The following CNIH3 variants were observed in gnomAD, a reference collection of about 807,000 sequenced individuals.
CNIH3 encodes the protein protein cornichon homolog 3.
Under a neutral mutation model 24.1 loss-of-function variants are expected in CNIH3, and 14 were observed. That is an observed-to-expected ratio of 0.58 (90% CI 0.38 to 0.91). The LOEUF is 0.91. CNIH3 is among the 40% of genes least tolerant of loss of function. The pLI, the probability that CNIH3 is intolerant of heterozygous loss-of-function variation, is 0.00. For synonymous variants in CNIH3, 68 were observed against 73.8 expected, an observed-to-expected ratio of 0.92 and a Z score of 0.40; for missense variants, 178 against 196.8, an observed-to-expected ratio of 0.90 and a Z score of 0.57.
chr1:224,506,363 A>G (rs1677918693), intron 1 of CNIH3, among the ~76,000 whole-genome samples: 1 of 152,154 alleles, frequency 6.6e-6, no homozygotes. Context: ...ACAGTGATGA[A>G]GCTAGCACAT....
rs532932777 is a variant in CNIH3 at position 224,670,441 on chromosome 1, A to G, written c.82-10517A>G. 1.2e-4 allele frequency among the ~76,000 whole-genome samples: 18 copies of G among 152,270 alleles called. No individual in the cohort carries two copies. The East Asian group carries it at 3.5e-3, about 29-fold the overall frequency. On this transcript the variant is annotated intron_variant, in intron 1 of 5. Transcript: ENST00000272133. ...TCAGCTTTGGAATTTGCCCAGCCCC[A>G]TCCTTTTGTGGAGTCTGTTATGGGT...
At chr1:224,683,275 C>G (rs974640574) in intron 2 of CNIH3, among the ~76,000 whole-genome samples, 1 of 152,154 alleles carries the variant, frequency 6.6e-6, no homozygotes, top group South Asian at 2.1e-4. Context: ...AATAAAGACT[C>G]TAGGTGCCCC....
chr1:224,729,835 A>G (rs981343541), intron 3 of CNIH3, among the ~76,000 whole-genome samples: 8 of 152,266 alleles, frequency 5.3e-5, no homozygotes, highest in Admixed American at 4.6e-4. Flanking sequence ...TTTCTTGGTC[A>G]GGATCAGTTT....
At chr1:224,633,786 A>G (rs1348788132) in intron 1 of CNIH3, among the ~76,000 whole-genome samples, 1 of 152,244 alleles carries the variant, frequency 6.6e-6, no homozygotes, top group Non-Finnish European at 1.5e-5. Context: ...AGAGGAAATC[A>G]GACTGGTGTG....
At chr1:224,672,189 C>G (rs1312351431) in intron 1 of CNIH3, among the ~76,000 whole-genome samples, 1 of 151,816 alleles carries the variant, frequency 6.6e-6, no homozygotes, top group Non-Finnish European at 1.5e-5. Context: ...GAATTGTATT[C>G]TGAGCGTGGG....
At chr1:224,614,936 CAAATAAATAAAT>C (rs56329135), upstream of CNIH3, among the ~76,000 whole-genome samples, 53,220 of 146,644 alleles carry the variant, frequency 0.36, 10,013 homozygotes, top group South Asian at 0.54. Flanking sequence ...GAGACTCCGT[CAAATAAATAAAT>C]AAATAAATAA....
rs769237194 is a variant in CNIH3 at position 224,739,290 on chromosome 1, C to CCT, written c.456-34_456-33dup. On this transcript the variant is annotated intron_variant, in intron 5 of 5. Coordinates refer to ENST00000272133, the MANE Select transcript of CNIH3 (RefSeq NM_152495.2). ...CTCTGTGGGCTTCTACTAACACCTTCCTCTCTTTTTTTTTTTTTTTTTTTT... is the reference window on the plus strand; with the variant it reads ...CTCTGTGGGCTTCTACTAACACCTTCCTCTCTCTTTTTTTTTTTTTTTTTTTT... The CCT allele has an allele frequency of 2.3e-5, 36 of 1,582,224 alleles. No homozygotes were observed. The African/African-American group carries it at 3.0e-4, about 13-fold the overall frequency.
At chr1:224,531,865 A>G (rs1353233912) in intron 2 of CNIH3, among the ~76,000 whole-genome samples, 2 of 152,148 alleles carry the variant, frequency 1.3e-5, no homozygotes, top group Non-Finnish European at 2.9e-5. Flanking sequence ...GAGGAAGTCT[A>G]TTTGGGGAGA....
At chr1:224,582,347 T>A (rs1681309697) in intron 4 of CNIH3, among the ~76,000 whole-genome samples, 2 of 152,330 alleles carry the variant, frequency 1.3e-5, no homozygotes, top group South Asian at 2.1e-4. Context: ...CAGAGACAGA[T>A]GTGGCTGGGC....
chr1:224,634,825 A>C (rs1215914308), intron 1 of CNIH3, among the ~76,000 whole-genome samples: 1 of 152,104 alleles, frequency 6.6e-6, no homozygotes, highest in African/African-American at 2.4e-5. Context: ...CCCGATTCAC[A>C]CCAAGCCTCG....
chr1:224,713,928 C>T (rs919644346), intron 3 of CNIH3, among the ~76,000 whole-genome samples: 8 of 152,186 alleles, frequency 5.3e-5, no homozygotes, highest in African/African-American at 1.9e-4. Context: ...GATCCTCCCA[C>T]CTCAGCCTCC....
intron 3 of CNIH3, among the ~76,000 whole-genome samples, chr1:224,709,124 A>C (rs1474109854): frequency 1.3e-5 from 2 of 152,200 alleles, no homozygotes; most frequent in Non-Finnish European, 2.9e-5. Flanking sequence ...CATGGTTTTG[A>C]GTGTGAGCCA....
intron 3 of CNIH3, among the ~76,000 whole-genome samples, chr1:224,608,849 C>T (rs1042168070): frequency 2.0e-5 from 3 of 152,170 alleles, no homozygotes; most frequent in South Asian, 4.1e-4. Flanking sequence ...AAGTTGTACA[C>T]GTGCTCACTT....
At chr1:224,487,269 C>T (rs1677064639) in intron 1 of CNIH3, among the ~76,000 whole-genome samples, 2 of 152,168 alleles carry the variant, frequency 1.3e-5, no homozygotes, top group Non-Finnish European at 2.9e-5. Flanking sequence ...GATATTTTTA[C>T]TGAGTTTATT....
At chr1:224,440,647 GATAA>G in intron 1 of CNIH3, among the ~76,000 whole-genome samples, 1 of 152,166 alleles carries the variant, frequency 6.6e-6, no homozygotes, top group East Asian at 1.9e-4. Flanking sequence ...GATGCATTTT[GATAA>G]ATAAATTTAT....
chr1:224,529,609 C>A (rs1678983149), intron 2 of CNIH3, among the ~76,000 whole-genome samples: 1 of 152,136 alleles, frequency 6.6e-6, no homozygotes, highest in East Asian at 1.9e-4. Flanking sequence ...CCCTAGTGAA[C>A]TTATGCTGCC....
Position 224,704,391 on chromosome 1 carries a change from G to A in CNIH3, c.198+19548G>A, listed in dbSNP as rs1007044155. Among the ~76,000 whole-genome samples the A allele has an allele frequency of 2.6e-5, 4 of 152,236 alleles. No homozygotes were observed. The highest frequency in any genetic ancestry group is 5.9e-5 in the Non-Finnish European group (4 of 68,008). On this transcript the variant is annotated intron_variant, in intron 3 of 5. Coordinates refer to ENST00000272133, the MANE Select transcript of CNIH3 (RefSeq NM_152495.2). This position sits in a 1 kb window ranked among gnomAD's most constrained non-coding sequence, Gnocchi z 4.2. The stretch of plus-strand genomic sequence containing the variant: ...ATATGATGCAGGATTATGCACATTC[G>A]AATCCCCTGGGGAGCTTTTAAAACC...
At chr1:224,622,233 A>T (rs902684932) in intron 1 of CNIH3, among the ~76,000 whole-genome samples, 1 of 152,094 alleles carries the variant, frequency 6.6e-6, no homozygotes. Context: ...GACAATGTGC[A>T]TTTTCCCCCA....
chr1:224,556,161 T>C (rs16849547), intron 3 of CNIH3, among the ~76,000 whole-genome samples: 2,697 of 152,044 alleles, frequency 0.018, 90 homozygotes, highest in African/African-American at 0.061. Context: ...GCCATGCCTA[T>C]AGCTTGGTTT....
Sources: allele counts gnomAD v4.1 joint callset (sites outside exome capture counted in the v4.1 genomes callset), GRCh38; gene constraint gnomAD v4.1.1; non-coding constraint Gnocchi (gnomAD v3.1); transcripts MANE v1.5; gene names NCBI Gene and HGNC (gene_info 2026-07-23, HGNC 2026-07-21).